SEPTIN9: variants seen among roughly 807,000 people sequenced by gnomAD.
SEPTIN9 encodes septin-9.
SEPTIN9 carries 13 observed loss-of-function variants against 56.6 expected under a neutral mutation model. The observed-to-expected ratio is 0.23, with a 90% CI of 0.15 to 0.37. SEPTIN9 has a LOEUF of 0.37. SEPTIN9 is among the 10% of genes least tolerant of loss of function. SEPTIN9 has a pLI of 1.00. For synonymous variants in SEPTIN9, 332 were observed against 334.1 expected (o/e 0.99, Z 0.07); for missense variants, 650 against 823.1 (o/e 0.79, Z 2.57).
intron 2 of SEPTIN9, among the ~76,000 whole-genome samples, chr17:77,311,210 G>A (rs1021681744): frequency 3.5e-4 from 53 of 149,478 alleles, no homozygotes; most frequent in African/African-American, 1.2e-3. Flanking sequence ...CTGGGAAGAG[G>A]CAAGGAAGGA....
chr17:77,485,357 T>C (rs2039731506), intron 4 of SEPTIN9, among the ~76,000 whole-genome samples: 1 of 151,000 alleles, frequency 6.6e-6, no homozygotes. Flanking sequence ...ATGGTGATAG[T>C]GGTGGGATGG....
At chr17:77,488,065 C>T (rs2143346755) in intron 5 of SEPTIN9, among the ~76,000 whole-genome samples, 175 bp from the exon 6 acceptor site, 1 of 152,336 alleles carries the variant, frequency 6.6e-6, no homozygotes, top group East Asian at 1.9e-4. Flanking sequence ...AAGGGGCTCC[C>T]AGGGGAACCG....
intron 3 of SEPTIN9, among the ~76,000 whole-genome samples, chr17:77,460,209 T>G (rs1362196403): frequency 1.3e-5 from 2 of 152,144 alleles, no homozygotes; most frequent in African/African-American, 4.8e-5. Context: ...CAGTAGAAGC[T>G]CCTTCTCTGT....
intron 1 of SEPTIN9, among the ~76,000 whole-genome samples, chr17:77,302,976 G>C (rs1416488387): frequency 6.6e-6 from 1 of 152,076 alleles, no homozygotes. Flanking sequence ...CCTGTCTTCG[G>C]CATCTGCTCT....
chr17:77,396,631 A>T (rs926036384), intron 2 of SEPTIN9, among the ~76,000 whole-genome samples: 1 of 152,140 alleles, frequency 6.6e-6, no homozygotes, highest in African/African-American at 2.4e-5. Flanking sequence ...CCCAGGGCGC[A>T]GTCTTAGGAC....
chr17:77,290,258 T>A (rs1259904834), intron 1 of SEPTIN9, among the ~76,000 whole-genome samples: 1 of 142,872 alleles, frequency 7.0e-6, no homozygotes, highest in East Asian at 2.1e-4. Flanking sequence ...TAAAATAAAT[T>A]CTTTTTTTTT....
chr17:77,401,880 G>A (rs982898297), intron 2 of SEPTIN9, among the ~76,000 whole-genome samples, 179 bp from the exon 3 acceptor site: 1 of 152,100 alleles, frequency 6.6e-6, no homozygotes, highest in Non-Finnish European at 1.5e-5. Flanking sequence ...CAGAACTCAT[G>A]ATGGTTCTCC....
At chr17:77,474,272 A>G (rs2039121583) in intron 3 of SEPTIN9, among the ~76,000 whole-genome samples, 1 of 152,296 alleles carries the variant, frequency 6.6e-6, no homozygotes, top group East Asian at 1.9e-4. Flanking sequence ...CCCCTGGTGC[A>G]CTAGGGTTTC....
At position 77,367,589 on chromosome 17, in the gene SEPTIN9, A is replaced by T. The variant is rs1434420581; in HGVS notation, c.77-34470A>T. Among the ~76,000 whole-genome samples the T allele has an allele frequency of 2.0e-5, 3 of 151,806 alleles. No homozygotes were observed. The highest frequency in any genetic ancestry group is 4.4e-5 in the Non-Finnish European group (3 of 67,952). On this transcript the variant is annotated intron_variant, in intron 2 of 11. Transcript: ENST00000427177. This position sits in a 1 kb window ranked among gnomAD's most constrained non-coding sequence, Gnocchi z 4.5. ...CCAGCACTTTGGGAGGCTGAGGAGG[A>T]TGGATCACTTGAGGCCAGGAGTTCG... is the stretch of plus-strand genomic sequence containing the variant.
At chr17:77,304,709 C>A (rs2032191943) in intron 1 of SEPTIN9, among the ~76,000 whole-genome samples, 1 of 152,106 alleles carries the variant, frequency 6.6e-6, no homozygotes, top group Admixed American at 6.5e-5. Context: ...GTGGGGTGTG[C>A]TAGATTTATG....
intron 3 of SEPTIN9, among the ~76,000 whole-genome samples, chr17:77,423,952 A>C (rs2144234791): frequency 1.2e-5 from 1 of 80,272 alleles, no homozygotes; most frequent in African/African-American, 6.1e-5. Context: ...GCCAGCAGGG[A>C]ACACTCTGCC....
intron 2 of SEPTIN9, among the ~76,000 whole-genome samples, chr17:77,322,226 C>T (rs1487871232): frequency 6.6e-6 from 1 of 152,110 alleles, no homozygotes; most frequent in Non-Finnish European, 1.5e-5. Context: ...GTGATGGCAC[C>T]CTCCCAGGCT....
At chr17:77,416,018 G>A (rs1017223737) in intron 3 of SEPTIN9, among the ~76,000 whole-genome samples, 3 of 152,234 alleles carry the variant, frequency 2.0e-5, no homozygotes, top group African/African-American at 7.2e-5. Context: ...TCGAAATGAT[G>A]CATAGTAATC....
intron 10 of SEPTIN9, 149 bp downstream of exon 10, chr17:77,493,225 A>G: frequency 1.5e-6 from 1 of 665,972 alleles, no homozygotes; most frequent in East Asian, 2.7e-5. Flanking sequence ...CCTTGTCCCC[A>G]TTCAACCCTT....
intron 3 of SEPTIN9, among the ~76,000 whole-genome samples, chr17:77,441,501 A>G (rs2037545728): frequency 1.3e-5 from 2 of 152,222 alleles, no homozygotes. Flanking sequence ...GATCTTCCCC[A>G]AAACCCCATA....
intron 1 of SEPTIN9, among the ~76,000 whole-genome samples, chr17:77,284,987 T>C (rs568849534): frequency 5.9e-5 from 9 of 152,146 alleles, no homozygotes; most frequent in Non-Finnish European, 7.3e-5. Context: ...GAGTTCATAT[T>C]TGAAAAAGCT....
chr17:77,296,119 G>A (rs58043044), intron 1 of SEPTIN9, among the ~76,000 whole-genome samples: 10,042 of 142,910 alleles, frequency 0.07, 493 homozygotes, highest in African/African-American at 0.13. Context: ...GAAAAATGAC[G>A]GAGGACACAG....
Position 77,367,114 on chromosome 17 carries a change from A to G in SEPTIN9, c.77-34945A>G, listed in dbSNP as rs1014837786. Among the ~76,000 whole-genome samples the G allele has an allele frequency of 2.6e-5, 4 of 152,168 alleles. No individual in the cohort carries two copies. The highest frequency in any genetic ancestry group is 4.4e-5 in the Non-Finnish European group (3 of 68,024). Reference sequence around the variant, plus strand: ...GTGTGATGGGGTGTGGTAGCTGCACACCGGCTCAGTCAGGCTGAATGGGGA... The same window carrying G: ...GTGTGATGGGGTGTGGTAGCTGCACGCCGGCTCAGTCAGGCTGAATGGGGA... On this transcript the variant is annotated intron_variant, in intron 2 of 11. Transcript: ENST00000427177. This position sits in a 1 kb window ranked among gnomAD's most constrained non-coding sequence, Gnocchi z 4.5.
intron 3 of SEPTIN9, among the ~76,000 whole-genome samples, chr17:77,458,888 C>T (rs1261261998): frequency 1.3e-5 from 2 of 152,192 alleles, no homozygotes; most frequent in African/African-American, 4.8e-5. Flanking sequence ...TAGAATTTCA[C>T]CAGAGCTCAG....
Sources: allele counts gnomAD v4.1 joint callset (sites outside exome capture counted in the v4.1 genomes callset), GRCh38; gene constraint gnomAD v4.1.1; non-coding constraint Gnocchi (gnomAD v3.1); transcripts MANE v1.5; gene names NCBI Gene and HGNC (gene_info 2026-07-23, HGNC 2026-07-21).